The following ZNF521 variants were observed in gnomAD, a reference collection of about 807,000 sequenced individuals.
ZNF521 encodes the protein zinc finger protein 521, also known as LYST-interacting protein 3.
ZNF521 carries 14 observed loss-of-function variants against 105.5 expected under a neutral mutation model. The ratio of observed to expected loss-of-function variants is 0.13; its 90% CI spans 0.09 to 0.21. ZNF521 has a LOEUF of 0.21. Ranked by LOEUF, ZNF521 falls within the 10% of genes least tolerant of loss-of-function variation. The pLI is 1.00. For missense variants in ZNF521, 1,233 were observed against 1,629.7 expected (o/e 0.76, Z 4.19); for synonymous variants, 635 against 606.0 (o/e 1.05, Z -0.70).
chr18:25,158,317 GAAGA>G (rs1401569358), intron 5 of ZNF521, among the ~76,000 whole-genome samples: 3 of 151,922 alleles, frequency 2.0e-5, no homozygotes, highest in Admixed American at 2.0e-4. Context: ...TTAAAAGGCT[GAAGA>G]AAGAAAAAAC....
chr18:25,201,616 AT>A (rs1362183367), intron 4 of ZNF521: 2 of 152,192 alleles, frequency 1.3e-5, no homozygotes, highest in African/African-American at 4.8e-5. Context: ...TTTTTCCAGG[AT>A]GTCCCATAGC....
chr18:25,282,960 C>T (rs1038927955), intron 3 of ZNF521, among the ~76,000 whole-genome samples: 2 of 152,166 alleles, frequency 1.3e-5, no homozygotes, highest in African/African-American at 4.8e-5. Flanking sequence ...TTCAGTGAAT[C>T]CTTAAAGTGC....
chr18:25,264,144 C>A (rs1183636769), intron 3 of ZNF521, among the ~76,000 whole-genome samples: 1 of 152,168 alleles, frequency 6.6e-6, no homozygotes, highest in Non-Finnish European at 1.5e-5. Flanking sequence ...TTTCTAAACT[C>A]TTTGGACCGC....
At chr18:25,198,463 T>C (rs1050816138) in intron 4 of ZNF521, among the ~76,000 whole-genome samples, 1 of 151,730 alleles carries the variant, frequency 6.6e-6, no homozygotes, top group African/African-American at 2.4e-5. Context: ...GACTCAGACT[T>C]CACATTTAGT....
intron 3 of ZNF521, chr18:25,273,560 A>AG (rs1909826468): frequency 1.3e-5 from 2 of 152,208 alleles, no homozygotes; most frequent in Admixed American, 1.3e-4. Flanking sequence ...GACTTTGGAC[A>AG]AGTTATTTGC....
At chr18:25,228,449 G>C (rs768119491) in intron 3 of ZNF521, among the ~76,000 whole-genome samples, 77 of 152,218 alleles carry the variant, frequency 5.1e-4, no homozygotes, top group Admixed American at 1.3e-4. Flanking sequence ...GGATCAGCTA[G>C]GATCAAGAAA....
At chr18:25,131,292 T>C (rs867741774) in intron 5 of ZNF521, among the ~76,000 whole-genome samples, 1 of 152,188 alleles carries the variant, frequency 6.6e-6, no homozygotes, top group Non-Finnish European at 1.5e-5. Flanking sequence ...TACAAGGTTC[T>C]TGATGGTCTG....
intron 4 of ZNF521, among the ~76,000 whole-genome samples, chr18:25,222,176 A>G (rs1473187568): frequency 6.6e-6 from 1 of 152,162 alleles, no homozygotes. Flanking sequence ...CTTAGTCATT[A>G]GGTACTTTAA....
At chr18:25,325,722 G>C (rs1443138349) in intron 2 of ZNF521, among the ~76,000 whole-genome samples, 2 of 152,178 alleles carry the variant, frequency 1.3e-5, no homozygotes, top group Admixed American at 6.5e-5. Flanking sequence ...AAAGGGTGCT[G>C]TGGGACACTG....
chr18:25,136,805 G>C (rs2144416059), intron 5 of ZNF521: 1 of 152,292 alleles, frequency 6.6e-6, no homozygotes, highest in South Asian at 2.1e-4. Context: ...CGCCCCAAAA[G>C]ATCACCCACA....
Position 25,327,816 on chromosome 18 carries a change from T to C in ZNF521, c.41-5629A>G, listed in dbSNP as rs1913319320. ...AGCCGTCTGTCCCGCACTCGCCTGC[T>C]GGTCTGCTGCCTCATTTTTTTTATT... On this transcript the variant is annotated intron_variant, in intron 2 of 7. Transcript: ENST00000361524. 1.1e-5 allele frequency: 4 copies of C among 379,994 alleles called. No individual in the cohort carries two copies. In the Admixed American group the frequency reaches 1.4e-4, roughly 13 times the overall value. 23.5% of individuals were successfully genotyped at this position (379,994 alleles called of 1,614,324 possible). A position where few individuals can be genotyped will look rare whatever the true frequency, so the allele number is the denominator to read the frequency against.
At chr18:25,147,461 T>G (rs1239207477) in intron 5 of ZNF521, among the ~76,000 whole-genome samples, 1 of 152,200 alleles carries the variant, frequency 6.6e-6, no homozygotes, top group East Asian at 1.9e-4. Context: ...TCAGCTATTT[T>G]CTTTTTCAAC....
chr18:25,224,527 C>G lies in ZNF521; in HGVS notation c.3391G>C (p.Gly1131Arg). Residue 1131 changes from glycine to arginine, a missense_variant, in exon 4 of 8, where the codon GGC becomes CGC. Coordinates refer to ENST00000361524, the MANE Select transcript of ZNF521 (RefSeq NM_015461.3). The stretch of plus-strand genomic sequence containing the variant: ...CGTGTCTTCAGTCCCCCCACCTTGC[C>G]TTTCCCCTCAATGGCACTCAGATTC... ...NENLSAIEGK[G>R]KVGGLKTRCS... 6.2e-7 allele frequency: 1 copy of G among 1,614,068 alleles called. No homozygotes were observed. Among genetic ancestry groups the G allele is most frequent in the Non-Finnish European group, 8.5e-7 (1 of 1,179,994 alleles).
chr18:25,249,469 C>CTT (rs77417621), intron 3 of ZNF521, among the ~76,000 whole-genome samples: 15 of 141,606 alleles, frequency 1.1e-4, no homozygotes, highest in African/African-American at 3.6e-4. Context: ...TACTTTCTTT[C>CTT]TTTTTTTTTT....
chr18:25,094,238 A>G (rs984431746), intron 5 of ZNF521, among the ~76,000 whole-genome samples: 4 of 152,146 alleles, frequency 2.6e-5, no homozygotes, highest in African/African-American at 9.6e-5. Context: ...GTAATGTAAT[A>G]TTATCTTTCT....
intron 5 of ZNF521, among the ~76,000 whole-genome samples, chr18:25,092,592 T>C (rs559624165): frequency 6.6e-6 from 1 of 152,298 alleles, no homozygotes; most frequent in East Asian, 1.9e-4. Flanking sequence ...AATAGGACAG[T>C]CTCTTACAAA....
At chr18:25,273,842 C>A (rs754052084) in intron 3 of ZNF521, among the ~76,000 whole-genome samples, 7 of 152,066 alleles carry the variant, frequency 4.6e-5, no homozygotes, top group African/African-American at 1.4e-4. Flanking sequence ...CTGTCCATAA[C>A]GGCTAATTTG....
chr18:25,195,799 A>G (rs1162499948), intron 4 of ZNF521, among the ~76,000 whole-genome samples: 1 of 151,836 alleles, frequency 6.6e-6, no homozygotes, highest in Non-Finnish European at 1.5e-5. Flanking sequence ...TTAAATATGT[A>G]CCTCATCCTA....
intron 5 of ZNF521, among the ~76,000 whole-genome samples, chr18:25,104,626 T>A (rs2034034556): frequency 6.6e-6 from 1 of 152,178 alleles, no homozygotes; most frequent in South Asian, 2.1e-4. Context: ...AGACAAAGAT[T>A]AGCATGAGGA....
Sources: allele counts gnomAD v4.1 joint callset (sites outside exome capture counted in the v4.1 genomes callset), GRCh38; gene constraint gnomAD v4.1.1; transcripts MANE v1.5; gene names NCBI Gene and HGNC (gene_info 2026-07-23, HGNC 2026-07-21).